The following WDR49 variants were observed in gnomAD, a reference collection of about 807,000 sequenced individuals.
WDR49 encodes the protein WD repeat domain 49.
WDR49 carries 107 observed loss-of-function variants against 119.5 expected under a neutral mutation model. The ratio of observed to expected loss-of-function variants is 0.90; its 90% confidence interval spans 0.77 to 1.05. The LOEUF is 1.05. Ranked by LOEUF, WDR49 falls within the 50% of genes least tolerant of loss-of-function variation. The pLI is 0.00. For synonymous variants in WDR49, 425 were observed against 418.8 expected (o/e 1.01, Z -0.18); for missense variants, 1,240 against 1,220.5 (o/e 1.02, Z -0.24).
chr3:167,522,391 A>C lies in WDR49; in HGVS notation c.2698T>G (p.Ser900Ala). The C allele has an allele frequency of 6.2e-7, 1 of 1,611,168 alleles. No individual in the cohort carries two copies. Among genetic ancestry groups the C allele is most frequent in the African/African-American group, 1.3e-5 (1 of 74,864 alleles). The change falls in exon 16 of 19, where the codon TCT becomes GCT. Residue 900 changes from serine to alanine, a missense_variant. By Grantham distance (99) the Ser-to-Ala change is moderately conservative. Coordinates refer to ENST00000682715, the MANE Select transcript of WDR49 (RefSeq NM_001366157.1). Reference protein sequence around the residue: ...SEIQKEISLFSKEESCLDPTE... With the variant: ...SEIQKEISLFAKEESCLDPTE... ...GGGTCTAAACAAGATTCCTCCTTAG[A>C]AAATAAAGAAATTTCCTTTTGAATC...
At chr3:167,545,509 T>TATATAATATATATATATATATATA (rs535132359) in intron 10 of WDR49, among the ~76,000 whole-genome samples, 1 of 108,298 alleles carries the variant, frequency 9.2e-6, no homozygotes, top group Non-Finnish European at 2.1e-5. Context: ...ATATTATATA[T>TATATAATATATATATATATATATA]TATATATATA....
chr3:167,595,772 G>A (rs906767007), intron 7 of WDR49, among the ~76,000 whole-genome samples: 1 of 151,738 alleles, frequency 6.6e-6, no homozygotes, highest in African/African-American at 2.4e-5. Flanking sequence ...AACCCTAGAA[G>A]AAAACCTAGG....
chr3:167,523,238 T>A (rs1345505800), intron 15 of WDR49, among the ~76,000 whole-genome samples: 1 of 151,962 alleles, frequency 6.6e-6, no homozygotes, highest in East Asian at 1.9e-4. Flanking sequence ...TTGAACCTAA[T>A]ACAAGAAAAT....
chr3:167,560,189 T>C lies in WDR49; in HGVS notation c.1549A>G (p.Met517Val), dbSNP rs1471475406. The C allele has an allele frequency of 6.2e-7, 1 of 1,614,084 alleles. No homozygotes were observed. Among genetic ancestry groups the C allele is most frequent in the East Asian group, 2.2e-5 (1 of 44,878 alleles). ...TTGATTTTCTGCCCAGTGTCTATCATCCAGAAGGAAACAGTAGACCCTGTA... is the reference window on the plus strand; with the variant it reads ...TTGATTTTCTGCCCAGTGTCTATCACCCAGAAGGAAACAGTAGACCCTGTA... ...SDTGSTVSFW[M>V]IDTGQKIKQF... The change falls in exon 9 of 19, where the codon ATG becomes GTG. Residue 517 changes from methionine to valine, a missense_variant. Coordinates refer to ENST00000682715, the MANE Select transcript of WDR49 (RefSeq NM_001366157.1).
chr3:167,641,808 T>C (rs987773424), intron 2 of WDR49, among the ~76,000 whole-genome samples: 2 of 151,892 alleles, frequency 1.3e-5, no homozygotes, highest in East Asian at 1.9e-4. Context: ...CAAAAGAGTA[T>C]AATACAGCTG....
At chr3:167,640,514 C>A (rs1273151205) in intron 2 of WDR49, among the ~76,000 whole-genome samples, 1 of 151,834 alleles carries the variant, frequency 6.6e-6, no homozygotes, top group Non-Finnish European at 1.5e-5. Context: ...AACAAGAAGA[C>A]CAAAAATCCT....
chr3:167,529,349 C>A (rs1312586308), intron 13 of WDR49, 110 bp from the exon 14 acceptor site: 11 of 940,204 alleles, frequency 1.2e-5, no homozygotes, highest in Non-Finnish European at 1.6e-5. Context: ...AGGTGAGTAG[C>A]CCTGAGATCA....
At chr3:167,541,900 A>C (rs778877376) in intron 10 of WDR49, among the ~76,000 whole-genome samples, 3 of 152,068 alleles carry the variant, frequency 2.0e-5, no homozygotes, top group Non-Finnish European at 4.4e-5. Flanking sequence ...AGGAGTAGCT[A>C]TTCTTATATC....
At chr3:167,550,003 T>C (rs561439046) in intron 10 of WDR49, among the ~76,000 whole-genome samples, 26 of 152,310 alleles carry the variant, frequency 1.7e-4, no homozygotes, top group African/African-American at 5.3e-4. Context: ...CAGATGGTTG[T>C]AGATGTGTGG....
chr3:167,584,737 A>G (rs1714718888), intron 7 of WDR49, among the ~76,000 whole-genome samples: 1 of 152,142 alleles, frequency 6.6e-6, no homozygotes, highest in South Asian at 2.1e-4. Flanking sequence ...GAAAAAATCT[A>G]CACAAAAATG....
At chr3:167,528,297 G>T (rs1752708497) in intron 14 of WDR49, among the ~76,000 whole-genome samples, 1 of 151,822 alleles carries the variant, frequency 6.6e-6, no homozygotes, top group Non-Finnish European at 1.5e-5. Context: ...TGATAGAGAT[G>T]AACTTTACCA....
chr3:167,652,289 G>A (rs1305859731), intron 2 of WDR49, among the ~76,000 whole-genome samples: 2 of 152,102 alleles, frequency 1.3e-5, no homozygotes, highest in African/African-American at 4.8e-5. Context: ...ATATTCTTTT[G>A]TGGATATCCA....
intron 8 of WDR49, among the ~76,000 whole-genome samples, chr3:167,564,846 A>T (rs1458483482): frequency 6.6e-6 from 1 of 152,178 alleles, no homozygotes; most frequent in African/African-American, 2.4e-5. Context: ...TCTTATTGCT[A>T]TTCCAATAAC....
intron 8 of WDR49, among the ~76,000 whole-genome samples, chr3:167,572,359 C>G (rs1385506215): frequency 6.6e-6 from 1 of 152,124 alleles, no homozygotes; most frequent in Non-Finnish European, 1.5e-5. Context: ...TTCCAAGCTG[C>G]TTTTATATAG....
At chr3:167,601,306 C>G (rs149829171) in intron 7 of WDR49, among the ~76,000 whole-genome samples, 3 of 152,142 alleles carry the variant, frequency 2.0e-5, no homozygotes, top group African/African-American at 7.2e-5. Flanking sequence ...TGGGGTGTGG[C>G]TAAGGAGTTG....
chr3:167,567,996 C>G (rs555757658), intron 8 of WDR49, among the ~76,000 whole-genome samples: 1 of 152,188 alleles, frequency 6.6e-6, no homozygotes, highest in Non-Finnish European at 1.5e-5. Flanking sequence ...AAGTGCTGTC[C>G]TGATCATAAA....
intron 16 of WDR49, among the ~76,000 whole-genome samples, chr3:167,518,943 AC>A (rs943729605): frequency 5.9e-5 from 9 of 151,604 alleles, no homozygotes; most frequent in Non-Finnish European, 8.8e-5. Flanking sequence ...AAAAAAAACA[AC>A]CCCATTAAAA....
intron 17 of WDR49, among the ~76,000 whole-genome samples, chr3:167,503,175 C>T (rs566482445): frequency 6.6e-6 from 1 of 152,208 alleles, no homozygotes; most frequent in Non-Finnish European, 1.5e-5. Context: ...GTGGCTTCCA[C>T]GTGGTGTTAA....
chr3:167,546,276 C>G (rs1712193698), intron 10 of WDR49, among the ~76,000 whole-genome samples: 1 of 151,918 alleles, frequency 6.6e-6, no homozygotes, highest in Non-Finnish European at 1.5e-5. Flanking sequence ...GATATTTGAC[C>G]TTGTGTGTCA....
Sources: allele counts gnomAD v4.1 joint callset (sites outside exome capture counted in the v4.1 genomes callset), GRCh38; gene constraint gnomAD v4.1.1; transcripts MANE v1.5; gene names NCBI Gene and HGNC (gene_info 2026-07-23, HGNC 2026-07-21).